Variants in BRWD3 observed in about 807,000 individuals in gnomAD.
BRWD3 encodes bromodomain and WD repeat-containing protein 3.
Under a neutral mutation model 149.7 loss-of-function variants are expected in BRWD3, and 10 were observed. That is an observed-to-expected ratio of 0.07 (90% CI 0.04 to 0.11). BRWD3 has a LOEUF of 0.11. BRWD3 is among the 10% of genes least tolerant of loss of function. BRWD3 has a pLI of 1.00. For missense variants in BRWD3, 940 were observed against 1,373.2 expected (o/e 0.68, Z 4.99); for synonymous variants, 504 against 456.7 (o/e 1.10, Z -1.32).
chrX:80,797,818 G>A (rs918468468), intron 4 of BRWD3, among the ~76,000 whole-genome samples: 3 of 111,423 alleles, frequency 2.7e-5, no homozygotes, highest in African/African-American at 9.8e-5. Flanking sequence ...TTATATGGCC[G>A]GGTGCAGTGG....
chrX:80,688,037 A>AT, intron 34 of BRWD3, 32 bp downstream of exon 34: 1 of 1,125,981 alleles, frequency 8.9e-7, no homozygotes, highest in Non-Finnish European at 1.2e-6. Flanking sequence ...ACCTGAAAAC[A>AT]TATCTCCTCA....
At chrX:80,703,656 T>A in intron 23 of BRWD3, 63 bp from the exon 24 acceptor site, 1 of 780,299 alleles carries the variant, frequency 1.3e-6, no homozygotes, top group South Asian at 2.5e-5. Context: ...ATAAAACACA[T>A]AAACAATAGT....
intron 6 of BRWD3, among the ~76,000 whole-genome samples, chrX:80,768,937 C>A (rs2073900099): frequency 9.0e-6 from 1 of 110,699 alleles, no homozygotes; most frequent in South Asian, 3.8e-4. Context: ...GCAGGGGTTG[C>A]AGTCCTAGTC....
chrX:80,729,880 A>ATGAGAACCACATAAACATC (rs1466015752), intron 13 of BRWD3, 36 bp downstream of exon 13: 1 of 913,051 alleles, frequency 1.1e-6, no homozygotes, highest in East Asian at 3.1e-5. Context: ...AAAATATATC[A>ATGAGAACCACATAAACATC]TGAGAACCAC....
intron 19 of BRWD3, among the ~76,000 whole-genome samples, chrX:80,716,455 C>T (rs1464991910): frequency 8.9e-6 from 1 of 112,255 alleles, no homozygotes. Flanking sequence ...CAAAGATAAA[C>T]TCTGTGACCA....
At position 80,692,150 on chromosome X, in the gene BRWD3, G is replaced by A. The variant is rs200943021; in HGVS notation, c.3264C>T (p.His1088=). Residue 1088 remains histidine (H), a splice_region_variant and synonymous_variant, in exon 29 of 41, where the codon CAC becomes CAT. Coordinates refer to ENST00000373275, the MANE Select transcript of BRWD3 (RefSeq NM_153252.5). ...TCTTTTCTCTCTCATTATTGTCCCA[G>A]CTATTAAAAAATAAGAAGATGCAAA... ...PDSSFQCYSV[H]WDNNEREKMS... is the part of the protein sequence containing the mutation. 5 of 1,197,761 alleles carry A rather than the reference G, an allele frequency of 4.2e-6. No homozygotes were observed. The highest frequency in any genetic ancestry group is 4.5e-6 in the Non-Finnish European group (4 of 885,772).
chrX:80,679,874 C>A (rs1356223741), intron 40 of BRWD3, among the ~76,000 whole-genome samples: 4 of 110,778 alleles, frequency 3.6e-5, no homozygotes, highest in Non-Finnish European at 7.6e-5. Context: ...ATGAAGGAAG[C>A]ATGGGTTAAT....
intron 36 of BRWD3, among the ~76,000 whole-genome samples, chrX:80,685,166 C>T (rs1009815301): frequency 9.0e-6 from 1 of 111,361 alleles, no homozygotes; most frequent in Non-Finnish European, 1.9e-5. Flanking sequence ...TGGGAATAAT[C>T]AGCTGCAATA....
At chrX:80,756,020 A>G (rs745788502) in intron 6 of BRWD3, among the ~76,000 whole-genome samples, 10 of 111,940 alleles carry the variant, frequency 8.9e-5, no homozygotes, top group Non-Finnish European at 1.9e-4. Flanking sequence ...TATCTTAAAC[A>G]TACATTTTCT....
intron 40 of BRWD3, among the ~76,000 whole-genome samples, chrX:80,680,978 T>C (rs1170525518): frequency 5.0e-5 from 5 of 100,857 alleles, no homozygotes; most frequent in Non-Finnish European, 8.1e-5. Flanking sequence ...ACTTTTTTTT[T>C]TTTTTTTTTT....
At position 80,674,265 on chromosome X, in the gene BRWD3, T is replaced by C. The variant is rs1042503685; in HGVS notation, c.*2344A>G. 1 of 111,777 alleles carries C rather than the reference T, an allele frequency of 8.9e-6. No individual in the cohort carries two copies. The highest frequency in any genetic ancestry group is 3.2e-5 in the African/African-American group (1 of 30,862). 9.2% of individuals were successfully genotyped at this position (111,777 alleles called of 1,213,427 possible). ...GTCTTCAGCCTTATTATTCTAATTA[T>C]CTAATTCTAGAAAATCTTGACATTT... On this transcript the variant is annotated 3_prime_UTR_variant, in exon 41 of 41. Coordinates refer to ENST00000373275, the MANE Select transcript of BRWD3 (RefSeq NM_153252.5).
intron 27 of BRWD3, among the ~76,000 whole-genome samples, chrX:80,695,176 C>G (rs1040479837): frequency 1.8e-5 from 2 of 111,779 alleles, no homozygotes; most frequent in Non-Finnish European, 3.8e-5. Context: ...GAAGGTCTTG[C>G]TTCCCTTTTG....
chrX:80,692,421 C>T (rs1411912041), intron 28 of BRWD3, among the ~76,000 whole-genome samples: 1 of 111,910 alleles, frequency 8.9e-6, no homozygotes, highest in Non-Finnish European at 1.9e-5. Flanking sequence ...TTTCGTCTAT[C>T]ATTCTTGAGA....
intron 6 of BRWD3, among the ~76,000 whole-genome samples, chrX:80,777,989 T>C (rs990462539): frequency 3.6e-5 from 4 of 110,821 alleles, no homozygotes; most frequent in African/African-American, 1.3e-4. Flanking sequence ...TAAAAATAGA[T>C]TGTTTCCAAT....
At chrX:80,746,974 T>A (rs1011277126) in intron 6 of BRWD3, 3 of 221,636 alleles carry the variant, frequency 1.4e-5, no homozygotes, top group Non-Finnish European at 1.9e-5. Context: ...AGTAGTTATG[T>A]AATACTGCAA....
intron 24 of BRWD3, among the ~76,000 whole-genome samples, chrX:80,700,838 A>G (rs886291353): frequency 1.3e-4 from 15 of 111,402 alleles, no homozygotes; most frequent in African/African-American, 4.2e-4. Context: ...ATTAGGTATC[A>G]TAAGTAATAT....
intron 27 of BRWD3, 81 bp from the exon 28 acceptor site, chrX:80,693,132 A>T: frequency 1.4e-6 from 1 of 735,488 alleles, no homozygotes; most frequent in Non-Finnish European, 2.2e-6. Flanking sequence ...CTTTTTGTTG[A>T]CAACAGAAGT....
intron 33 of BRWD3, among the ~76,000 whole-genome samples, chrX:80,689,036 C>T (rs1351002415): frequency 1.8e-5 from 2 of 110,755 alleles, no homozygotes; most frequent in Non-Finnish European, 3.8e-5. Flanking sequence ...TGGAGATTAA[C>T]GGTATAAATA....
At chrX:80,719,769 T>C (rs913608492) in intron 17 of BRWD3, 113 bp from the exon 18 acceptor site, 6 of 711,644 alleles carry the variant, frequency 8.4e-6, no homozygotes, top group Middle Eastern at 3.0e-4. Context: ...GCATTAAACG[T>C]AAAATAAAGT....
Sources: gnomAD v4.1 joint callset for allele counts (sites outside exome capture counted in the v4.1 genomes callset) on GRCh38, gnomAD v4.1.1 for gene constraint, MANE v1.5 for transcripts, NCBI Gene and HGNC (gene_info 2026-07-23, HGNC 2026-07-21) for gene names.